LMNTD1: variants seen among roughly 807,000 people sequenced by gnomAD.
LMNTD1 encodes lamin tail domain-containing protein 1.
LMNTD1 carries 35 observed loss-of-function variants against 50.9 expected under a neutral mutation model. The observed-to-expected ratio is 0.69, with a 90% CI of 0.53 to 0.91. LMNTD1 has a LOEUF of 0.91. Ranked by LOEUF, LMNTD1 falls within the 40% of genes least tolerant of loss-of-function variation. The pLI is 0.00. For synonymous variants in LMNTD1, 153 were observed against 161.9 expected (o/e 0.94, Z 0.42); for missense variants, 470 against 475.5 (o/e 0.99, Z 0.11).
intron 1 of LMNTD1, among the ~76,000 whole-genome samples, chr12:25,635,070 A>G (rs1476831988): frequency 6.6e-6 from 1 of 151,830 alleles, no homozygotes; most frequent in African/African-American, 2.4e-5. Context: ...AGAAACCCCC[A>G]TCTCTACTAA....
At chr12:25,513,505 G>A (rs182993177) in intron 8 of LMNTD1, among the ~76,000 whole-genome samples, 15 of 152,238 alleles carry the variant, frequency 9.9e-5, no homozygotes, top group African/African-American at 1.9e-4. Flanking sequence ...GTGTGGTGGC[G>A]TACACCTGTG....
In LMNTD1 at chr12:25,552,949, G is replaced by T; in HGVS notation, c.11C>A (p.Thr4Lys). The T allele has an allele frequency of 6.3e-7, 1 of 1,580,344 alleles. No individual in the cohort carries two copies. The highest frequency in any genetic ancestry group is 8.6e-7 in the Non-Finnish European group (1 of 1,161,552). Residue 4 changes from threonine (T) to lysine (K), a missense_variant, in exon 2 of 10, where the codon ACA becomes AAA. Coordinates refer to ENST00000458174, the MANE Select transcript of LMNTD1 (RefSeq NM_001145728.2). Reference sequence around the variant, plus strand: ...CTTCGAAGCTTCCTGAATGTCTTGTGTATCTTTCATCTTGGCTAGAAAAGA... The same window carrying T: ...CTTCGAAGCTTCCTGAATGTCTTGTTTATCTTTCATCTTGGCTAGAAAAGA... MKD[T>K]QDIQEASKAM...
At position 25,616,093 on chromosome 12, in the gene LMNTD1, AACACAC is replaced by A. The variant is rs10564512; in HGVS notation, c.58+32395_58+32400del. ...CACCCTCCCACCCCGACACACACATAACACACACACACACACACACACACACAGTGT... is the reference window on the plus strand; with the variant it reads ...CACCCTCCCACCCCGACACACACATAACACACACACACACACACACAGTGT... On this transcript the variant is annotated intron_variant, in intron 1 of 7. Coordinates refer to the LMNTD1 transcript ENST00000445693. Among the ~76,000 whole-genome samples the A allele has an allele frequency of 4.0e-4, 59 of 148,690 alleles. No individual in the cohort carries two copies. In the East Asian group the frequency reaches 4.4e-3, roughly 11 times the overall value.
intron 1 of LMNTD1, among the ~76,000 whole-genome samples, chr12:25,613,947 C>T (rs1264546228): frequency 6.0e-5 from 9 of 151,220 alleles, no homozygotes; most frequent in Non-Finnish European, 8.8e-5. Context: ...AGAAGATAGG[C>T]GGAAGCATTG....
chr12:25,625,286 G>C (rs1028659529), intron 1 of LMNTD1, among the ~76,000 whole-genome samples: 6 of 152,040 alleles, frequency 3.9e-5, no homozygotes, highest in African/African-American at 1.2e-4. Context: ...GTTTCAACTT[G>C]CATTTTTCAG....
chr12:25,621,661 CATTT>C (rs976118024), intron 1 of LMNTD1, among the ~76,000 whole-genome samples: 19 of 152,224 alleles, frequency 1.2e-4, no homozygotes, highest in East Asian at 3.9e-4. Context: ...TTCAGTTATT[CATTT>C]GTTTGTACCT....
At position 25,546,432 on chromosome 12, in the gene LMNTD1, G is replaced by T; in HGVS notation, c.433C>A (p.Gln145Lys). 6.3e-7 allele frequency: 1 copy of T among 1,597,610 alleles called. No individual in the cohort carries two copies. Among genetic ancestry groups the T allele is most frequent in the South Asian group, 1.1e-5 (1 of 88,452 alleles). Residue 145 changes from glutamine to lysine, a missense_variant, in exon 4 of 10, where the codon CAG (glutamine) becomes AAG (lysine). Coordinates refer to ENST00000458174, the MANE Select transcript of LMNTD1 (RefSeq NM_001145728.2). ...ATAGAAAAGTATTTTAAAGTTTTCT[G>T]AGTGTAGTTTGAGTGTGCTGTAAGT... Reference protein sequence around the residue: ...KKLTAHSNYTQKTLKYFSMIL... With the variant: ...KKLTAHSNYTKKTLKYFSMIL...
chr12:25,489,976 C>T (rs1022514585), intron 9 of LMNTD1, among the ~76,000 whole-genome samples: 14 of 152,112 alleles, frequency 9.2e-5, no homozygotes, highest in African/African-American at 3.4e-4. Flanking sequence ...CTAAAGGAAA[C>T]CAGAAAGCTT....
chr12:25,533,743 A>C (rs185073247), intron 4 of LMNTD1, among the ~76,000 whole-genome samples: 66 of 152,306 alleles, frequency 4.3e-4, no homozygotes, highest in Non-Finnish European at 8.2e-4. Context: ...GTAGATCCTT[A>C]ATGTAATGGA....
chr12:25,643,711 A>G (rs1195805624), intron 1 of LMNTD1, among the ~76,000 whole-genome samples: 2 of 152,210 alleles, frequency 1.3e-5, no homozygotes, highest in Non-Finnish European at 2.9e-5. Flanking sequence ...GAACTGCATA[A>G]AATCAAGGTT....
intron 7 of LMNTD1, 88 bp downstream of exon 7, chr12:25,519,770 C>A: frequency 1.2e-6 from 1 of 814,426 alleles, no homozygotes; most frequent in Non-Finnish European, 2.1e-6. Context: ...ATACATCACA[C>A]ATCCATTTGT....
intron 1 of LMNTD1, among the ~76,000 whole-genome samples, chr12:25,605,702 A>G (rs1482947331): frequency 6.6e-6 from 1 of 152,090 alleles, no homozygotes; most frequent in East Asian, 1.9e-4. Context: ...ATTGGTCTAT[A>G]TCTCTGTTTT....
At chr12:25,551,303 G>A (rs962920948) in intron 2 of LMNTD1, among the ~76,000 whole-genome samples, 1 of 152,114 alleles carries the variant, frequency 6.6e-6, no homozygotes, top group African/African-American at 2.4e-5. Flanking sequence ...TCCCAAGAAG[G>A]CTTAACAAAA....
intron 1 of LMNTD1, among the ~76,000 whole-genome samples, chr12:25,580,115 C>T (rs550593429): frequency 1.3e-5 from 2 of 152,264 alleles, no homozygotes; most frequent in Admixed American, 1.3e-4. Context: ...AGGCTTTGTT[C>T]AGTTTAGTTG....
chr12:25,598,583 T>C (rs1397536822), intron 1 of LMNTD1, among the ~76,000 whole-genome samples: 1 of 151,402 alleles, frequency 6.6e-6, no homozygotes, highest in Non-Finnish European at 1.5e-5. Context: ...TCTTGAAAAG[T>C]TAAACAAAAT....
At chr12:25,637,929 T>A (rs960863828) in intron 1 of LMNTD1, among the ~76,000 whole-genome samples, 1 of 152,070 alleles carries the variant, frequency 6.6e-6, no homozygotes, top group African/African-American at 2.4e-5. Context: ...ATATTCCATA[T>A]TCACATATAT....
intron 8 of LMNTD1, among the ~76,000 whole-genome samples, chr12:25,517,905 C>CTT (rs1283870710): frequency 6.6e-6 from 1 of 151,920 alleles, no homozygotes; most frequent in Non-Finnish European, 1.5e-5. Flanking sequence ...CATGGAGAAT[C>CTT]TTGTGATTTC....
intron 1 of LMNTD1, among the ~76,000 whole-genome samples, chr12:25,607,044 TG>T (rs2136525007): frequency 6.6e-6 from 1 of 152,346 alleles, no homozygotes; most frequent in South Asian, 2.1e-4. Flanking sequence ...TTCCACTTCT[TG>T]CTGGTTTAGT....
At chr12:25,586,559 G>A (rs1012315665) in intron 1 of LMNTD1, among the ~76,000 whole-genome samples, 12 of 152,152 alleles carry the variant, frequency 7.9e-5, no homozygotes, top group East Asian at 3.9e-4. Flanking sequence ...GCTGACCAAC[G>A]GGAGGTAGGT....
Sources: allele counts gnomAD v4.1 joint callset (sites outside exome capture counted in the v4.1 genomes callset), GRCh38; gene constraint gnomAD v4.1.1; transcripts MANE v1.5; gene names NCBI Gene and HGNC (gene_info 2026-07-23, HGNC 2026-07-21).